The following ANKRD6 variants were observed in gnomAD, a reference collection of about 807,000 sequenced individuals.
The protein encoded by ANKRD6 is ankyrin repeat domain 6, also known as ankyrin repeat domain-containing protein 6.
A neutral mutation model predicts 82.3 loss-of-function variants in ANKRD6; 56 were observed. The observed-to-expected ratio is 0.68, with a 90% CI of 0.55 to 0.85. The LOEUF (loss-of-function observed/expected upper bound fraction) is 0.85. Ranked by LOEUF, ANKRD6 falls within the 40% of genes least tolerant of loss-of-function variation. The pLI is 0.00. For synonymous variants in ANKRD6, 347 were observed against 352.1 expected, an observed-to-expected ratio of 0.99 and a Z score of 0.16; for missense variants, 852 against 907.6, an observed-to-expected ratio of 0.94 and a Z score of 0.79.
intron 2 of ANKRD6, among the ~76,000 whole-genome samples, chr6:89,591,349 G>A (rs547138588): frequency 2.8e-4 from 43 of 152,080 alleles, no homozygotes; most frequent in African/African-American, 6.0e-4. Context: ...TGATCCACCC[G>A]CCTTGGCCTC....
intron 1 of ANKRD6, among the ~76,000 whole-genome samples, chr6:89,438,549 A>G (rs1274224441): frequency 6.6e-6 from 1 of 152,230 alleles, no homozygotes; most frequent in Non-Finnish European, 1.5e-5. Flanking sequence ...TGGGAAAGGA[A>G]TAGAACTCTT....
At chr6:89,510,779 A>G (rs1355709794) in intron 1 of ANKRD6, among the ~76,000 whole-genome samples, 1 of 152,154 alleles carries the variant, frequency 6.6e-6, no homozygotes, top group Non-Finnish European at 1.5e-5. Flanking sequence ...AAATACAATC[A>G]TATAAAATGT....
intron 1 of ANKRD6, among the ~76,000 whole-genome samples, chr6:89,498,717 G>A (rs1009807436): frequency 6.6e-6 from 1 of 152,146 alleles, no homozygotes; most frequent in African/African-American, 2.4e-5. Context: ...AATACAATCC[G>A]GTCATTGTTT....
intron 1 of ANKRD6, among the ~76,000 whole-genome samples, chr6:89,559,393 C>T (rs1439263163): frequency 1.3e-5 from 2 of 150,864 alleles, no homozygotes; most frequent in African/African-American, 2.5e-5. Flanking sequence ...CCTCCTTTCA[C>T]CCCAGCACAG....
At chr6:89,451,870 G>A (rs890262772) in intron 1 of ANKRD6, among the ~76,000 whole-genome samples, 2 of 152,122 alleles carry the variant, frequency 1.3e-5, no homozygotes, top group Non-Finnish European at 2.9e-5. Flanking sequence ...TAATGTCAGG[G>A]ACATTTACTT....
chr6:89,585,123 T>G (rs1793425948), intron 2 of ANKRD6, among the ~76,000 whole-genome samples: 1 of 152,148 alleles, frequency 6.6e-6, no homozygotes. Flanking sequence ...TCTGATCATA[T>G]TAATAGGTAC....
chr6:89,604,681 C>T (rs1468824179), intron 4 of ANKRD6, among the ~76,000 whole-genome samples: 1 of 152,168 alleles, frequency 6.6e-6, no homozygotes, highest in Non-Finnish European at 1.5e-5. Flanking sequence ...GTGCCCCCTG[C>T]CCCTTGCATC....
At chr6:89,533,901 C>A (rs1583136965) in intron 1 of ANKRD6, among the ~76,000 whole-genome samples, 1 of 152,046 alleles carries the variant, frequency 6.6e-6, no homozygotes, top group African/African-American at 2.4e-5. Context: ...AGTGACCTGG[C>A]GGTACCTGGT....
At chr6:89,556,574 G>A (rs1786631056) in intron 1 of ANKRD6, among the ~76,000 whole-genome samples, 1 of 152,150 alleles carries the variant, frequency 6.6e-6, no homozygotes, top group Non-Finnish European at 1.5e-5. Context: ...CAATTTCTAA[G>A]TTTAGATAAT....
chr6:89,488,791 G>A (rs1777664381), intron 1 of ANKRD6, among the ~76,000 whole-genome samples: 2 of 152,216 alleles, frequency 1.3e-5, no homozygotes, highest in Non-Finnish European at 2.9e-5. Flanking sequence ...ATGAGAACTA[G>A]TGACCCAGTA....
intron 1 of ANKRD6, among the ~76,000 whole-genome samples, chr6:89,516,657 A>G (rs2127955792): frequency 6.6e-6 from 1 of 152,212 alleles, no homozygotes. Context: ...TTGTATTTTT[A>G]GTAGAGACGG....
intron 2 of ANKRD6, among the ~76,000 whole-genome samples, chr6:89,576,325 C>T (rs569994590): frequency 6.6e-6 from 1 of 152,276 alleles, no homozygotes; most frequent in East Asian, 1.9e-4. Context: ...GCTGGGATTA[C>T]AGGCGTGAGC....
chr6:89,597,756 GCA>G (rs1315555010), intron 3 of ANKRD6, among the ~76,000 whole-genome samples: 1 of 152,166 alleles, frequency 6.6e-6, no homozygotes, highest in Non-Finnish European at 1.5e-5. Flanking sequence ...GAGAGACAAT[GCA>G]TATATTGCTT....
At chr6:89,450,769 G>T (rs1772712505) in intron 1 of ANKRD6, among the ~76,000 whole-genome samples, 1 of 151,760 alleles carries the variant, frequency 6.6e-6, no homozygotes, top group Non-Finnish European at 1.5e-5. Context: ...CCAGAGTGCT[G>T]GGGGTTACAG....
intron 1 of ANKRD6, among the ~76,000 whole-genome samples, chr6:89,469,832 C>T (rs1306041875): frequency 6.6e-6 from 1 of 152,212 alleles, no homozygotes; most frequent in African/African-American, 2.4e-5. Flanking sequence ...ACAGCCTGTG[C>T]TCAGTGTGAC....
At chr6:89,614,550 G>T (rs1801031400) in intron 7 of ANKRD6, among the ~76,000 whole-genome samples, 1 of 152,176 alleles carries the variant, frequency 6.6e-6, no homozygotes, top group African/African-American at 2.4e-5. Flanking sequence ...GGAAGCTGAG[G>T]CAGGAGAATT....
chr6:89,433,739 G>A lies in ANKRD6; in HGVS notation c.-144+364G>A, dbSNP rs1158883746. On this transcript the variant is annotated intron_variant, in intron 1 of 15. Coordinates refer to ENST00000339746, the MANE Select transcript of ANKRD6 (RefSeq NM_001242809.2). This position sits in a 1 kb window ranked among gnomAD's most constrained non-coding sequence, Gnocchi z 4.3. ...GGGGCGGGGGTCCGAGTACCCCGCG[G>A]TCTGCGGCGCGTAGGAGGGTAGGTC... Among the ~76,000 whole-genome samples, 1 of 152,130 alleles carries A rather than the reference G, an allele frequency of 6.6e-6. No individual in the cohort carries two copies. The highest frequency in any genetic ancestry group is 1.5e-5 in the Non-Finnish European group (1 of 68,014).
rs988057588 is a variant in ANKRD6, at chr6:89,616,445, C to G, written c.616-114C>G. 9.6e-6 allele frequency: 9 copies of G among 938,910 alleles called. No homozygotes were observed. The Admixed American group carries it at 1.3e-4, about 14-fold the overall frequency. 58.2% of individuals were successfully genotyped at this position (938,910 alleles called of 1,614,324 possible). ...CTTTAACAAAGGGCCCCATTTCAGT[C>G]TCAGGCAAATCTCAGTTTGACTTTG... On this transcript the variant is annotated intron_variant, in intron 7 of 15. Coordinates refer to ENST00000339746, the MANE Select transcript of ANKRD6 (RefSeq NM_001242809.2).
intron 5 of ANKRD6, among the ~76,000 whole-genome samples, chr6:89,609,467 A>G (rs999768636): frequency 2.0e-5 from 3 of 151,536 alleles, no homozygotes; most frequent in Non-Finnish European, 4.4e-5. Context: ...ACGCTCAGCT[A>G]ATTTTTGTAT....
Sources: gnomAD v4.1 joint callset for allele counts (sites outside exome capture counted in the v4.1 genomes callset) on GRCh38, gnomAD v4.1.1 for gene constraint, Gnocchi (gnomAD v3.1) non-coding constraint, MANE v1.5 for transcripts, NCBI Gene and HGNC (gene_info 2026-07-23, HGNC 2026-07-21) for gene names.